Variants in PLCH2 observed in about 807,000 individuals in gnomAD.
PLCH2 encodes the protein 1-phosphatidylinositol 4,5-bisphosphate phosphodiesterase eta-2.
In PLCH2, 98 loss-of-function variants were observed where a neutral mutation model predicts 134.7. That is an observed-to-expected ratio of 0.73 (90% CI 0.62 to 0.86). PLCH2 has a LOEUF of 0.86. Ranked by LOEUF, PLCH2 falls within the 40% of genes least tolerant of loss-of-function variation. PLCH2 has a pLI of 0.00. For missense variants in PLCH2, 1,994 were observed against 1,986.6 expected (o/e 1.00, Z -0.07); for synonymous variants, 974 against 827.5 (o/e 1.18, Z -3.04).
In PLCH2 at chr1:2,478,474, A is replaced by C. The variant is rs1641765343; in HGVS notation, c.125-2A>C. On this transcript the variant is annotated splice_acceptor_variant, in intron 1 of 21. Coordinates refer to ENST00000378486, the MANE Select transcript of PLCH2 (RefSeq NM_014638.4). LOFTEE classifies it high-confidence loss of function. ...TGACAGCCGTGTCTCTCCCGTGTCC[A>C]GTGGAGCGGTGCATGGGTGCCATGC... is the stretch of plus-strand genomic sequence containing the variant. The C allele has an allele frequency of 1.2e-6, 2 of 1,612,508 alleles. No homozygotes were observed. Among genetic ancestry groups the C allele is most frequent in the Non-Finnish European group, 8.5e-7 (1 of 1,179,744 alleles).
rs772778116 is a variant in PLCH2 at position 2,484,465 on chromosome 1, C to T, written c.663C>T (p.Asp221=). 1.9e-6 allele frequency: 3 copies of T among 1,613,094 alleles called. No individual in the cohort carries two copies. In the African/African-American group the frequency reaches 4.0e-5, roughly 22 times the overall value. ...CATTGCAGGAAGCGGACACGGATGA[C>T]CACCAAGGGACGCTGGGTTTTGAAG... is the stretch of plus-strand genomic sequence containing the variant. ...KQMFREADTD[D]HQGTLGFEEF... The change falls in exon 5 of 22, where the codon GAC becomes GAT. Residue 221 remains aspartate, a synonymous_variant. Coordinates refer to ENST00000378486, the MANE Select transcript of PLCH2 (RefSeq NM_014638.4).
At chr1:2,492,836 C>T (rs771028278) in intron 11 of PLCH2, among the ~76,000 whole-genome samples, 1 of 152,104 alleles carries the variant, frequency 6.6e-6, no homozygotes, top group African/African-American at 2.4e-5. Context: ...ACCTTGAGGA[C>T]GTGAGACCTC....
chr1:2,440,805 C>T (rs1307391241), intron 2 of PLCH2, among the ~76,000 whole-genome samples: 1 of 152,256 alleles, frequency 6.6e-6, no homozygotes, highest in Non-Finnish European at 1.5e-5. Context: ...TGGCTTCGTG[C>T]AGGAGGCCAG....
Position 2,504,983 on chromosome 1 carries a change from C to CGCA in PLCH2, c.4024_4026dup (p.Ser1342dup), listed in dbSNP as rs1643463832. The CGCA allele has an allele frequency of 1.9e-6, 3 of 1,548,780 alleles. No homozygotes were observed. Among genetic ancestry groups the CGCA allele is most frequent in the African/African-American group, 1.4e-5 (1 of 73,342 alleles). On this transcript the variant is annotated inframe_insertion, in exon 22 of 22. Coordinates refer to ENST00000378486, the MANE Select transcript of PLCH2 (RefSeq NM_014638.4). Reference sequence around the variant, plus strand: ...TGGTTTTGTGCGGCGCTCCTCCTCCCGCAGCCACAGCCGCGTGCGTGCCAT... The same window carrying CGCA: ...TGGTTTTGTGCGGCGCTCCTCCTCCCGCAGCAGCCACAGCCGCGTGCGTGCCAT...
the PLCH2 span, among the ~76,000 whole-genome samples, chr1:2,420,373 G>A: frequency 1.3e-5 from 2 of 152,228 alleles, no homozygotes; most frequent in East Asian, 1.9e-4. Flanking sequence ...TTCGAGAGGT[G>A]GGTGTGGGGG....
At chr1:2,472,007 C>T (rs1195934076), upstream of PLCH2, among the ~76,000 whole-genome samples, 1 of 152,130 alleles carries the variant, frequency 6.6e-6, no homozygotes, top group Non-Finnish European at 1.5e-5. Context: ...TAGGGTGGCC[C>T]CAGCCCCACA....
intron 2 of PLCH2, among the ~76,000 whole-genome samples, chr1:2,436,578 C>CTCCACCTT (rs200666186): frequency 2.2e-5 from 3 of 138,838 alleles, no homozygotes; most frequent in Admixed American, 7.1e-5. Flanking sequence ...TCCTTCCTCC[C>CTCCACCTT]TCCTCCCTCC....
rs369730924 is a variant in PLCH2, at chr1:2,486,911, C to T, written c.821C>T (p.Ala274Val). 9.4e-6 allele frequency: 15 copies of T among 1,602,850 alleles called. No homozygotes were observed. Among genetic ancestry groups the T allele is most frequent in the Middle Eastern group, 1.6e-4 (1 of 6,066 alleles). ...QRFLQVEQKM[A>V]GVTLESCQDI... ...CATGCCCCTGCTCTGGCCTAGATGG[C>T]GGGTGTGACCCTCGAGAGCTGCCAG... The change falls in exon 6 of 22, where the codon GCG (alanine) becomes GTG (valine). Residue 274 changes from alanine (A) to valine (V), a missense_variant. This residue lies in a region of PLCH2 where 1,094 missense variants were observed against 1,234.3 expected (regional missense o/e 0.89). Transcript: ENST00000378486.
Position 2,497,306 on chromosome 1 carries a change from A to T in PLCH2, c.2117-196A>T, listed in dbSNP as rs553084929. On this transcript the variant is annotated intron_variant, in intron 15 of 21. Transcript: ENST00000378486. Reference sequence around the variant, plus strand: ...GAGGCTGGCTGCGCCAGCTCCGGGGATGTCCCTCCAGGATGTGCTGGCCTC... The same window carrying T: ...GAGGCTGGCTGCGCCAGCTCCGGGGTTGTCCCTCCAGGATGTGCTGGCCTC... 1.2e-4 allele frequency among the ~76,000 whole-genome samples: 18 copies of T among 152,336 alleles called. No individual in the cohort carries two copies. In the South Asian group the frequency reaches 3.3e-3, roughly 28 times the overall value.
rs1379675300 is a variant in PLCH2 at position 2,496,930 on chromosome 1, C to T, written c.2036C>T (p.Ser679Phe). 6.2e-7 allele frequency: 1 copy of T among 1,613,348 alleles called. No individual in the cohort carries two copies. The highest frequency in any genetic ancestry group is 8.5e-7 in the Non-Finnish European group (1 of 1,179,860). The change falls in exon 15 of 22, where the codon TCC becomes TTC. Residue 679 changes from serine (S) to phenylalanine (F), a missense_variant. Coordinates refer to ENST00000378486, the MANE Select transcript of PLCH2 (RefSeq NM_014638.4). ...CTACGCTTCAACCAGCAGCAGCTCT[C>T]CCGCATCTACCCCTCCTCCTACCGT... ...QYLRFNQQQL[S>F]RIYPSSYRVD...
intron 2 of PLCH2, among the ~76,000 whole-genome samples, chr1:2,453,539 G>A (rs1354008558): frequency 2.6e-5 from 4 of 152,282 alleles, no homozygotes; most frequent in South Asian, 4.1e-4. Flanking sequence ...CCTCCTTCAC[G>A]TGTCCAGGGC....
chr1:2,500,640 G>C, intron 20 of PLCH2: 1 of 152,302 alleles, frequency 6.6e-6, no homozygotes, highest in East Asian at 1.9e-4. Context: ...CATGATTCCT[G>C]GTAGCATTTG....
intron 2 of PLCH2, among the ~76,000 whole-genome samples, chr1:2,436,063 TC>T (rs1366556020): frequency 1.2e-4 from 9 of 77,936 alleles, no homozygotes; most frequent in Admixed American, 1.6e-4. Flanking sequence ...CTTCCTCCCC[TC>T]CTCCCTTCCT....
chr1:2,457,796 G>A (rs1454600990), intron 2 of PLCH2, among the ~76,000 whole-genome samples: 4 of 151,738 alleles, frequency 2.6e-5, no homozygotes, highest in African/African-American at 9.7e-5. Context: ...CCCAGGAGGC[G>A]CGTGCTGGGA....
At chr1:2,473,332 C>T (rs539562921), upstream of PLCH2, among the ~76,000 whole-genome samples, 28 of 152,250 alleles carry the variant, frequency 1.8e-4, no homozygotes, top group African/African-American at 4.1e-4. Flanking sequence ...AGCCCAGGTG[C>T]GGGGGCTGAG....
chr1:2,462,020 G>T (rs1023655170), intron 2 of PLCH2, among the ~76,000 whole-genome samples: 7 of 150,930 alleles, frequency 4.6e-5, no homozygotes, highest in Admixed American at 1.3e-4. Flanking sequence ...GTGCCACTCG[G>T]CAGCCCCTCT....
At chr1:2,472,999 T>C (rs577446458), upstream of PLCH2, among the ~76,000 whole-genome samples, 30 of 152,122 alleles carry the variant, frequency 2.0e-4, no homozygotes, top group African/African-American at 6.7e-4. Context: ...GAGGCGGAGA[T>C]GCTGAGCCAC....
In PLCH2 at chr1:2,499,272, G is replaced by A. The variant is rs764992195; in HGVS notation, c.2581+42G>A. ...ACGGTGCCCCCCACACTGGCCGAGGGCCCCAGGGCAGGGCAGGTACTCTTT... is the reference window on the plus strand; with the variant it reads ...ACGGTGCCCCCCACACTGGCCGAGGACCCCAGGGCAGGGCAGGTACTCTTT... On this transcript the variant is annotated intron_variant, in intron 19 of 21. Coordinates refer to ENST00000378486, the MANE Select transcript of PLCH2 (RefSeq NM_014638.4). The A allele has an allele frequency of 3.1e-6, 5 of 1,606,680 alleles. No individual in the cohort carries two copies. The Admixed American group carries it at 8.4e-5, about 27-fold the overall frequency.
upstream of PLCH2, among the ~76,000 whole-genome samples, chr1:2,471,296 A>G (rs1280605088): frequency 6.6e-6 from 1 of 152,174 alleles, no homozygotes; most frequent in African/African-American, 2.4e-5. Context: ...CCCCTTGGCC[A>G]TAGCGGGCCA....
Sources: allele counts gnomAD v4.1 joint callset (sites outside exome capture counted in the v4.1 genomes callset), GRCh38; gene constraint gnomAD v4.1.1; regional missense constraint gnomAD v4.1.1; transcripts MANE v1.5; gene names NCBI Gene and HGNC (gene_info 2026-07-23, HGNC 2026-07-21).